The following TRPM3 variants were observed in gnomAD, a reference collection of about 807,000 sequenced individuals.
TRPM3 encodes long transient receptor potential channel 3.
Under a neutral mutation model 181.2 loss-of-function variants are expected in TRPM3, and 77 were observed. The ratio of observed to expected loss-of-function variants is 0.42; its 90% CI spans 0.35 to 0.51. The LOEUF (loss-of-function observed/expected upper bound fraction) is 0.51, where lower values mean the gene tolerates loss of function less well. Among genes scored for constraint, TRPM3 ranks in the 20% least tolerant of loss-of-function variants. The pLI is 0.01. For missense variants in TRPM3, 1,759 were observed against 2,196.7 expected, an observed-to-expected ratio of 0.80 and a Z score of 3.98; for synonymous variants, 745 against 796.4, an observed-to-expected ratio of 0.94 and a Z score of 1.09.
rs544577475 is a variant in TRPM3 at position 70,581,797 on chromosome 9, A to G, written c.3223+9234T>C. On this transcript the variant is annotated intron_variant, in intron 22 of 25. Transcript: ENST00000677713. ...GGTGGGGCTGTCTGCATGGGCCTCAACTGGTCCTGCTGCTGGGCTCACACA... is the reference window on the plus strand; with the variant it reads ...GGTGGGGCTGTCTGCATGGGCCTCAGCTGGTCCTGCTGCTGGGCTCACACA... Among the ~76,000 whole-genome samples, 11 of 152,094 alleles carry G rather than the reference A, an allele frequency of 7.2e-5. No individual in the cohort carries two copies. In the East Asian group the frequency reaches 1.9e-3, roughly 27 times the overall value.
intron 1 of TRPM3, among the ~76,000 whole-genome samples, chr9:70,974,296 T>C (rs1485127348): frequency 1.3e-5 from 2 of 152,086 alleles, no homozygotes; most frequent in Non-Finnish European, 2.9e-5. Context: ...TACCAACACG[T>C]TGGCAGGTCA....
At chr9:71,381,527 C>T (rs763711921) in intron 1 of TRPM3, among the ~76,000 whole-genome samples, 21 of 152,078 alleles carry the variant, frequency 1.4e-4, no homozygotes, top group Non-Finnish European at 2.5e-4. Context: ...AAGATATCTG[C>T]GGCTGCATTA....
At chr9:71,108,702 A>G (rs898505438) in intron 1 of TRPM3, among the ~76,000 whole-genome samples, 1 of 152,194 alleles carries the variant, frequency 6.6e-6, no homozygotes, top group African/African-American at 2.4e-5. Flanking sequence ...CAGAAATGAG[A>G]GACTCCAGGG....
At chr9:71,327,310 T>A (rs1441003679) in intron 1 of TRPM3, among the ~76,000 whole-genome samples, 1 of 152,244 alleles carries the variant, frequency 6.6e-6, no homozygotes, top group African/African-American at 2.4e-5. Flanking sequence ...GCCATTGTGC[T>A]AGTGACTTAA....
intron 12 of TRPM3, among the ~76,000 whole-genome samples, chr9:70,633,307 G>A (rs1452098115): frequency 6.6e-6 from 1 of 152,180 alleles, no homozygotes. Flanking sequence ...ACTCTTCTGA[G>A]TTTAGTTTTC....
intron 6 of TRPM3, among the ~76,000 whole-genome samples, chr9:70,799,065 C>A (rs182595710): frequency 6.6e-6 from 1 of 152,270 alleles, no homozygotes; most frequent in East Asian, 1.9e-4. Context: ...CCAGCTAAAG[C>A]GACAAAGTAT....
chr9:71,320,776 C>G (rs1227554768), intron 1 of TRPM3, among the ~76,000 whole-genome samples: 1 of 152,128 alleles, frequency 6.6e-6, no homozygotes, highest in Non-Finnish European at 1.5e-5. Flanking sequence ...TATCCACTAA[C>G]CTACTTGAAA....
At chr9:71,360,112 A>G (rs1463424821) in intron 1 of TRPM3, among the ~76,000 whole-genome samples, 1 of 152,236 alleles carries the variant, frequency 6.6e-6, no homozygotes, top group East Asian at 1.9e-4. Flanking sequence ...ATTATCATTT[A>G]TATCATTATC....
At chr9:71,370,922 A>G (rs1260218120) in intron 1 of TRPM3, among the ~76,000 whole-genome samples, 1 of 152,204 alleles carries the variant, frequency 6.6e-6, no homozygotes, top group African/African-American at 2.4e-5. Context: ...TTGCCATTCT[A>G]AAAATCCTAG....
chr9:71,421,835 T>A (rs1480702276), intron 1 of TRPM3, among the ~76,000 whole-genome samples: 1 of 151,914 alleles, frequency 6.6e-6, no homozygotes, highest in East Asian at 1.9e-4. Flanking sequence ...AATAATAAAA[T>A]TACACCATTA....
intron 6 of TRPM3, among the ~76,000 whole-genome samples, chr9:70,791,599 C>A (rs1049046395): frequency 3.3e-5 from 5 of 152,176 alleles, no homozygotes; most frequent in Admixed American, 2.0e-4. Flanking sequence ...AATAACAATA[C>A]TCCAGAATAA....
intron 14 of TRPM3, among the ~76,000 whole-genome samples, chr9:70,624,188 C>A (rs1437772317): frequency 2.0e-5 from 3 of 152,132 alleles, no homozygotes; most frequent in Non-Finnish European, 2.9e-5. Context: ...TTTGGAAGAG[C>A]TGCATACCTT....
chr9:70,889,127 T>G (rs2096147802), intron 1 of TRPM3, among the ~76,000 whole-genome samples: 1 of 152,116 alleles, frequency 6.6e-6, no homozygotes, highest in Non-Finnish European at 1.5e-5. Context: ...GAAACTCAGA[T>G]AGGCCTAGGA....
At chr9:71,387,033 T>C (rs1022698204) in intron 1 of TRPM3, among the ~76,000 whole-genome samples, 2 of 152,202 alleles carry the variant, frequency 1.3e-5, no homozygotes, top group Non-Finnish European at 2.9e-5. Context: ...TTACACTTAT[T>C]AGATAGTTAT....
intron 1 of TRPM3, among the ~76,000 whole-genome samples, chr9:70,956,608 G>A (rs989111516): frequency 2.0e-5 from 3 of 152,114 alleles, no homozygotes; most frequent in African/African-American, 7.2e-5. Flanking sequence ...TTCTTAGGCT[G>A]GGCATGGTAA....
At chr9:70,803,436 G>A (rs1413962043) in intron 6 of TRPM3, among the ~76,000 whole-genome samples, 2 of 147,786 alleles carry the variant, frequency 1.4e-5, no homozygotes, top group East Asian at 2.0e-4. Context: ...GCCCCCCACC[G>A]CCACCGTTTT....
chr9:70,539,915 A>G (rs2042834388), intron 25 of TRPM3, among the ~76,000 whole-genome samples: 1 of 152,080 alleles, frequency 6.6e-6, no homozygotes, highest in Non-Finnish European at 1.5e-5. Context: ...GCTCACTGCA[A>G]CCTTAACCTC....
At position 70,625,420 on chromosome 9, in the gene TRPM3, A is replaced by AG; in HGVS notation, c.1668+61_1668+62insC. 2 of 1,099,622 alleles carry AG rather than the reference A, an allele frequency of 1.8e-6. No homozygotes were observed. Among genetic ancestry groups the AG allele is most frequent in the Non-Finnish European group, 2.5e-6 (2 of 812,136 alleles). 68.1% of individuals were successfully genotyped at this position (1,099,622 alleles called of 1,614,324 possible). On this transcript the variant is annotated intron_variant, in intron 13 of 25. Transcript: ENST00000677713. The surrounding 1 kb of genome is among the most constrained non-coding windows in gnomAD (Gnocchi z 4.8). ...ACTTCACGTATTCTGTAACTAGAGT[A>AG]AAAAAAAAATAATGAAAAAAGAAAC...
intron 6 of TRPM3, among the ~76,000 whole-genome samples, chr9:70,792,365 G>T (rs866165740): frequency 6.6e-6 from 1 of 151,878 alleles, no homozygotes; most frequent in Non-Finnish European, 1.5e-5. Flanking sequence ...GCCATATGCA[G>T]GTAGAAAACA....
Sources: gnomAD v4.1 joint callset for allele counts (sites outside exome capture counted in the v4.1 genomes callset) on GRCh38, gnomAD v4.1.1 for gene constraint, Gnocchi (gnomAD v3.1) non-coding constraint, MANE v1.5 for transcripts, NCBI Gene and HGNC (gene_info 2026-07-23, HGNC 2026-07-21) for gene names.